Variants in SECISBP2L observed in about 807,000 individuals in gnomAD.
SECISBP2L encodes the protein selenocysteine insertion sequence-binding protein 2-like.
A neutral mutation model predicts 114.7 loss-of-function variants in SECISBP2L; 43 were observed. The observed-to-expected ratio is 0.38, with a 90% CI of 0.29 to 0.48. SECISBP2L has a LOEUF of 0.48. Ranked by LOEUF, SECISBP2L falls within the 20% of genes least tolerant of loss-of-function variation. SECISBP2L has a pLI of 0.98. For missense variants in SECISBP2L, 1,136 were observed against 1,301.1 expected (o/e 0.87, Z 1.95); for synonymous variants, 451 against 439.7 (o/e 1.03, Z -0.32).
chr15:49,040,527 CTTTTTTTTT>C (rs66527715), intron 1 of SECISBP2L, among the ~76,000 whole-genome samples: 55 of 63,188 alleles, frequency 8.7e-4, no homozygotes, highest in African/African-American at 1.1e-3. Flanking sequence ...CCAAACTATT[CTTTTTTTTT>C]TTTTTTTTTT....
chr15:48,993,704 G>T (rs1902035777), intron 17 of SECISBP2L, among the ~76,000 whole-genome samples: 1 of 138,580 alleles, frequency 7.2e-6, no homozygotes, highest in African/African-American at 2.9e-5. Context: ...TATATATATA[G>T]CTTGGCTTAC....
chr15:49,017,100 T>C, intron 9 of SECISBP2L, 85 bp from the exon 10 acceptor site: 1 of 1,377,142 alleles, frequency 7.3e-7, no homozygotes, highest in Middle Eastern at 1.9e-4. Flanking sequence ...TGGGATGTTC[T>C]GCAGTACAAC....
intron 1 of SECISBP2L, among the ~76,000 whole-genome samples, chr15:49,038,510 TAA>T (rs1903058216): frequency 6.6e-6 from 1 of 150,936 alleles, no homozygotes; most frequent in African/African-American, 2.4e-5. Flanking sequence ...ATAAAATCCA[TAA>T]AAGTCAGGAT....
chr15:49,033,236 G>C, intron 3 of SECISBP2L, 136 bp from the exon 4 acceptor site: 1 of 1,042,098 alleles, frequency 9.6e-7, no homozygotes, highest in Non-Finnish European at 1.4e-6. Context: ...GCTTCCATGG[G>C]GAAATAGTAC....
chr15:49,015,548 T>C (rs943748184), intron 11 of SECISBP2L, among the ~76,000 whole-genome samples: 11 of 152,304 alleles, frequency 7.2e-5, no homozygotes, highest in African/African-American at 2.2e-4. Context: ...CCTCTCAACA[T>C]TGGTGCTGGT....
chr15:49,028,357 T>C, intron 5 of SECISBP2L, 96 bp downstream of exon 5: 1 of 1,182,374 alleles, frequency 8.5e-7, no homozygotes, highest in Non-Finnish European at 1.2e-6. Context: ...CTACAGGAAT[T>C]GCTAATGAAA....
chr15:49,037,331 T>G (rs1903031647), intron 2 of SECISBP2L: 1 of 245,380 alleles, frequency 4.1e-6, no homozygotes, highest in South Asian at 1.1e-4. Flanking sequence ...GAATATTTTA[T>G]TTCTCCCTTT....
Position 49,046,257 on chromosome 15 carries a change from C to A in SECISBP2L, c.24+19G>T. On this transcript the variant is annotated intron_variant, in intron 1 of 17. Transcript: ENST00000559471. ...GACCCCAACCCCCGGCTCGGCGGGC[C>A]CAGCCCAAACCCGCGTACCTGCTCC... The A allele has an allele frequency of 6.4e-7, 1 of 1,564,766 alleles. No homozygotes were observed. The highest frequency in any genetic ancestry group is 1.2e-5 in the South Asian group (1 of 85,446).
chr15:49,034,669 G>T lies in SECISBP2L; in HGVS notation c.528+665C>A, dbSNP rs117179556. The stretch of plus-strand genomic sequence containing the variant: ...TTTGAAGATTGAAAGTATATCTTTT[G>T]TTTTTTTTTTTTTGAGACAGGGTGT... On this transcript the variant is annotated intron_variant, in intron 3 of 17. Transcript: ENST00000559471. Among the ~76,000 whole-genome samples, 448 of 131,952 alleles carry T rather than the reference G, an allele frequency of 3.4e-3. 4 individuals carry two copies. Among genetic ancestry groups the T allele is most frequent in the East Asian group, 0.014 (66 of 4,608 alleles). 86.6% of individuals were successfully genotyped at this position (131,952 alleles called of 152,430 possible). A position where few individuals can be genotyped will look rare whatever the true frequency, so the allele number is the denominator to read the frequency against.
In SECISBP2L at chr15:48,992,665, C is replaced by T. The variant is rs1902006992; in HGVS notation, c.2885G>A (p.Gly962Asp). The part of the protein sequence containing the change: ...EWASQQSTET[G>D]SLDGSCRDLL... ...ATCTCGGCAACTGCCATCCAAAGAG[C>T]CAGTCTCTGTACTCTGCTGTGAGGC... Residue 962 changes from glycine to aspartate, a missense_variant, in exon 18 of 18, where the codon GGC (glycine) becomes GAC (aspartate). Physicochemically the swap from Gly to Asp is moderately conservative, Grantham distance 94. This residue lies in a region of SECISBP2L where 684 missense variants were observed against 848.7 expected (regional missense o/e 0.81). Coordinates refer to ENST00000559471, the MANE Select transcript of SECISBP2L (RefSeq NM_001193489.2). The T allele has an allele frequency of 3.1e-6, 5 of 1,614,160 alleles. No individual in the cohort carries two copies. The highest frequency in any genetic ancestry group is 4.2e-6 in the Non-Finnish European group (5 of 1,180,032).
chr15:49,011,613 T>C (rs1902437377), intron 13 of SECISBP2L, 118 bp downstream of exon 13: 1 of 1,201,244 alleles, frequency 8.3e-7, no homozygotes, highest in African/African-American at 1.5e-5. Context: ...AATAAAGAGA[T>C]TTATGTAAAA....
Position 48,990,432 on chromosome 15 carries a change from T to A in SECISBP2L, c.*1812A>T, listed in dbSNP as rs1192505582. ...AGTACTATTTCAGAGGCTTCATTCC[T>A]TACCTGCTGTGTTCCTTTAAATATT... On this transcript the variant is annotated 3_prime_UTR_variant, in exon 18 of 18. Transcript: ENST00000559471. 6.6e-6 allele frequency: 1 copy of A among 152,406 alleles called. No individual in the cohort carries two copies. The highest frequency in any genetic ancestry group is 1.5e-5 in the Non-Finnish European group (1 of 68,040). The allele number at this position is 152,406 out of a possible 1,614,324, so 9.4% of individuals were successfully genotyped here. A position where few individuals can be genotyped will look rare whatever the true frequency, so the allele number is the denominator to read the frequency against.
Position 49,012,754 on chromosome 15 carries a change from T to G in SECISBP2L, c.1625A>C (p.Gln542Pro). 6.2e-7 allele frequency: 1 copy of G among 1,614,012 alleles called. No homozygotes were observed. The highest frequency in any genetic ancestry group is 8.5e-7 in the Non-Finnish European group (1 of 1,179,960). The change falls in exon 12 of 18, where the codon CAG (glutamine) becomes CCG (proline). Residue 542 changes from glutamine to proline, a missense_variant. By Grantham distance (76) the Gln-to-Pro change is moderately conservative. This residue lies in a region of SECISBP2L where 684 missense variants were observed against 848.7 expected (regional missense o/e 0.81). Coordinates refer to ENST00000559471, the MANE Select transcript of SECISBP2L (RefSeq NM_001193489.2). ...STNRKPLTKS[Q>P]PCLTSFNSVD... Reference sequence around the variant, plus strand: ...AGAATTAAAGGATGTCAAACAGGGCTGACTTTTGGTTAAAGGTTTTCTATT... The same window carrying G: ...AGAATTAAAGGATGTCAAACAGGGCGGACTTTTGGTTAAAGGTTTTCTATT...
At chr15:49,021,034 C>A (rs79547316) in intron 7 of SECISBP2L, among the ~76,000 whole-genome samples, 1 of 152,118 alleles carries the variant, frequency 6.6e-6, no homozygotes, top group Non-Finnish European at 1.5e-5. Context: ...CCTCCGCCCA[C>A]GAGACGGTAT....
rs1454032725 is a variant in SECISBP2L at position 48,990,666 on chromosome 15, C to T, written c.*1578G>A. On this transcript the variant is annotated 3_prime_UTR_variant, in exon 18 of 18. Transcript: ENST00000559471. ...CAGCATTATAAAACATCAAAACTAG[C>T]ACAGTAGTCCCAATGAGTTCAGTAA... 1 of 152,572 alleles carries T rather than the reference C, an allele frequency of 6.6e-6. No individual in the cohort carries two copies. Among genetic ancestry groups the T allele is most frequent in the Admixed American group, 6.5e-5 (1 of 15,268 alleles). The allele number at this position is 152,572 out of a possible 1,614,324, so 9.5% of individuals were successfully genotyped here. A position where few individuals can be genotyped will look rare whatever the true frequency, so the allele number is the denominator to read the frequency against.
intron 7 of SECISBP2L, among the ~76,000 whole-genome samples, chr15:49,022,996 C>T (rs1366972479): frequency 6.7e-6 from 1 of 148,878 alleles, no homozygotes; most frequent in Admixed American, 6.7e-5. Flanking sequence ...AAAGCTCTTC[C>T]AATTATGATT....
At chr15:48,993,019 A>G in intron 17 of SECISBP2L, 93 bp from the exon 18 acceptor site, 1 of 1,112,104 alleles carries the variant, frequency 9.0e-7, no homozygotes, top group Non-Finnish European at 1.3e-6. Flanking sequence ...GAACAACAAA[A>G]TATATAAATT....
At chr15:49,014,619 C>T (rs191050304) in intron 11 of SECISBP2L, among the ~76,000 whole-genome samples, 57 of 152,176 alleles carry the variant, frequency 3.7e-4, no homozygotes, top group Admixed American at 2.0e-4. Flanking sequence ...GGAGTCATCA[C>T]TGACCTGTTT....
chr15:49,000,017 T>C (rs780326506), intron 15 of SECISBP2L, 30 bp from the exon 16 acceptor site: 7 of 1,609,386 alleles, frequency 4.3e-6, no homozygotes, highest in Non-Finnish European at 5.9e-6. Flanking sequence ...CAGACGCCTT[T>C]AGTTGTTGCC....
Sources: gnomAD v4.1 joint callset for allele counts (sites outside exome capture counted in the v4.1 genomes callset) on GRCh38, gnomAD v4.1.1 for gene constraint, gnomAD v4.1.1 regional missense constraint, MANE v1.5 for transcripts, NCBI Gene and HGNC (gene_info 2026-07-23, HGNC 2026-07-21) for gene names.